DLGAP2: variants seen among roughly 807,000 people sequenced by gnomAD.
DLGAP2 encodes disks large-associated protein 2.
A neutral mutation model predicts 100.3 loss-of-function variants in DLGAP2; 26 were observed. The observed-to-expected ratio is 0.26, with a 90% CI of 0.19 to 0.36. DLGAP2 has a LOEUF of 0.36. DLGAP2 is among the 10% of genes least tolerant of loss of function. DLGAP2 has a pLI of 1.00. For synonymous variants in DLGAP2, 886 were observed against 630.1 expected (o/e 1.41, Z -6.08); for missense variants, 1,858 against 1,453.2 (o/e 1.28, Z -4.53).
chr8:798,432 T>G (rs1351241215), intron 1 of DLGAP2, among the ~76,000 whole-genome samples: 64 of 99,724 alleles, frequency 6.4e-4, no homozygotes, highest in Admixed American at 1.0e-3. Flanking sequence ...CGCTTGTTGA[T>G]TCAGAACCTG....
chr8:1,631,370 C>G (rs1411605755), intron 7 of DLGAP2, among the ~76,000 whole-genome samples: 1 of 152,214 alleles, frequency 6.6e-6, no homozygotes, highest in Admixed American at 6.5e-5. Flanking sequence ...GACCTTCTCA[C>G]GCTGTCTACG....
Position 1,204,273 on chromosome 8 carries a change from G to T in DLGAP2, c.74-54578G>T, listed in dbSNP as rs965739417. Among the ~76,000 whole-genome samples, 7 of 152,224 alleles carry T rather than the reference G, an allele frequency of 4.6e-5. No individual in the cohort carries two copies. In the East Asian group the frequency reaches 1.4e-3, roughly 29 times the overall value. On this transcript the variant is annotated intron_variant, in intron 2 of 14. Transcript: ENST00000637795. ...TCCGCGAGAGATTGAAACTAAACAGGATGAGACAATCTCATCATCTTCTGA... is the reference window on the plus strand; with the variant it reads ...TCCGCGAGAGATTGAAACTAAACAGTATGAGACAATCTCATCATCTTCTGA...
At chr8:1,650,145 G>C (rs890307058) in intron 8 of DLGAP2, among the ~76,000 whole-genome samples, 1 of 152,226 alleles carries the variant, frequency 6.6e-6, no homozygotes, top group East Asian at 1.9e-4. Flanking sequence ...GTTTACAGCA[G>C]GTCATTACTT....
intron 2 of DLGAP2, among the ~76,000 whole-genome samples, chr8:1,030,384 A>G (rs1801939281): frequency 6.6e-6 from 1 of 152,142 alleles, no homozygotes; most frequent in Admixed American, 6.5e-5. Context: ...TTCTTCATCA[A>G]ACATACCAAG....
At chr8:1,339,475 C>A (rs73170474) in intron 3 of DLGAP2, among the ~76,000 whole-genome samples, 7,715 of 152,288 alleles carry the variant, frequency 0.051, 265 homozygotes, top group Middle Eastern at 0.14. Flanking sequence ...CAGGGACCCT[C>A]CCTTGGTGAG....
intron 3 of DLGAP2, among the ~76,000 whole-genome samples, chr8:1,374,446 A>T (rs1236577970): frequency 6.6e-6 from 1 of 152,138 alleles, no homozygotes; most frequent in Admixed American, 6.5e-5. Flanking sequence ...TCTCTGTAGG[A>T]TGATTGCGCA....
At chr8:946,150 G>C (rs1406408233) in intron 2 of DLGAP2, among the ~76,000 whole-genome samples, 1 of 152,050 alleles carries the variant, frequency 6.6e-6, no homozygotes, top group African/African-American at 2.4e-5. Context: ...CAAACCCTTA[G>C]CGTGACCCCC....
rs199694483 is a variant in DLGAP2 at position 1,007,634 on chromosome 8, T to TGGG, written c.73+99668_73+99669insGGG. On this transcript the variant is annotated intron_variant, in intron 2 of 14. Transcript: ENST00000637795. ...TCTTCTCTATGGGTAGTTTTTTTTT[T>TGGG]TGGGGGGGGGATCTTCTGTGAGTCA... Among the ~76,000 whole-genome samples, 38 of 138,104 alleles carry TGGG rather than the reference T, an allele frequency of 2.8e-4. 1 individual carries two copies. Among genetic ancestry groups the TGGG allele is most frequent in the African/African-American group, 1.0e-3 (38 of 36,532 alleles). The allele number at this position is 138,104 out of a possible 152,430, so 90.6% of individuals were successfully genotyped here. A position where few individuals can be genotyped will look rare whatever the true frequency, so the allele number is the denominator to read the frequency against.
intron 1 of DLGAP2, among the ~76,000 whole-genome samples, chr8:765,964 C>T (rs542010388): frequency 2.6e-5 from 4 of 152,248 alleles, no homozygotes; most frequent in South Asian, 2.1e-4. Flanking sequence ...GTCGGGAATT[C>T]GAGACCAGTC....
At chr8:861,801 G>A (rs145049617) in intron 1 of DLGAP2, among the ~76,000 whole-genome samples, 82 of 152,300 alleles carry the variant, frequency 5.4e-4, no homozygotes, top group East Asian at 1.9e-3. Context: ...CTAACCTCCC[G>A]GTGGAAATGT....
intron 1 of DLGAP2, among the ~76,000 whole-genome samples, chr8:848,920 GCGCGGTGCCTGTTC>G (rs1563061919): frequency 1.4e-4 from 21 of 149,298 alleles, no homozygotes; most frequent in Admixed American, 1.3e-4. Context: ...GCATAGGAAC[GCGCGGTGCCTGTTC>G]CAGCATAGGA....
intron 13 of DLGAP2, among the ~76,000 whole-genome samples, chr8:1,692,861 T>C (rs767565354): frequency 8.2e-4 from 123 of 150,014 alleles, no homozygotes; most frequent in Non-Finnish European, 8.3e-4. Context: ...TACTTACATA[T>C]ATACATGTTA....
intron 3 of DLGAP2, among the ~76,000 whole-genome samples, chr8:1,349,050 C>G (rs1345906764): frequency 1.3e-5 from 2 of 151,704 alleles, no homozygotes; most frequent in East Asian, 1.9e-4. Flanking sequence ...GGTGGAGATG[C>G]GGCCACTTGC....
At chr8:1,272,017 C>T (rs904335521) in intron 3 of DLGAP2, among the ~76,000 whole-genome samples, 38 of 152,152 alleles carry the variant, frequency 2.5e-4, no homozygotes, top group African/African-American at 8.9e-4. Flanking sequence ...TTTCACTACA[C>T]GTTGGCCAAG....
intron 1 of DLGAP2, among the ~76,000 whole-genome samples, chr8:897,733 G>A (rs1042188253): frequency 2.0e-5 from 3 of 151,840 alleles, no homozygotes; most frequent in Non-Finnish European, 2.9e-5. Flanking sequence ...CCTGAGTTTC[G>A]GGTGAGCCAG....
At position 977,679 on chromosome 8, in the gene DLGAP2, T is replaced by C. The variant is rs1050397085; in HGVS notation, c.73+69713T>C. On this transcript the variant is annotated intron_variant, in intron 2 of 14. Coordinates refer to ENST00000637795, the MANE Select transcript of DLGAP2 (RefSeq NM_001346810.2). ...TATAATTAGAACATTTTCCCTGTTA[T>C]AGACTGTTTTTTAAGAGAGTTCATA... Among the ~76,000 whole-genome samples the C allele has an allele frequency of 2.0e-5, 3 of 152,130 alleles. No individual in the cohort carries two copies. In the South Asian group the frequency reaches 6.2e-4, roughly 31 times the overall value.
At chr8:1,275,223 C>T (rs1799658317) in intron 3 of DLGAP2, among the ~76,000 whole-genome samples, 1 of 152,136 alleles carries the variant, frequency 6.6e-6, no homozygotes, top group African/African-American at 2.4e-5. Context: ...AAAATCATTC[C>T]TTTACGGTCA....
At chr8:1,565,997 C>G in intron 6 of DLGAP2, 103 bp downstream of exon 6, 1 of 993,322 alleles carries the variant, frequency 1.0e-6, no homozygotes, top group Non-Finnish European at 1.4e-6. Context: ...TCCATTTAAA[C>G]TAAATTGCCA....
intron 2 of DLGAP2, among the ~76,000 whole-genome samples, chr8:1,180,724 C>G (rs1437772199): frequency 7.0e-6 from 1 of 142,418 alleles, no homozygotes; most frequent in Non-Finnish European, 1.5e-5. Context: ...GCAAGGGCAG[C>G]ACACTTACCA....
Sources: gnomAD v4.1 joint callset for allele counts (sites outside exome capture counted in the v4.1 genomes callset) on GRCh38, gnomAD v4.1.1 for gene constraint, MANE v1.5 for transcripts, NCBI Gene and HGNC (gene_info 2026-07-23, HGNC 2026-07-21) for gene names.